Variants in BTBD8 observed in about 807,000 individuals in gnomAD.
BTBD8 encodes BTB domain containing 8.
A neutral mutation model predicts 162.9 loss-of-function variants in BTBD8; 110 were observed. The observed-to-expected ratio is 0.68, with a 90% CI of 0.58 to 0.79. The LOEUF (loss-of-function observed/expected upper bound fraction) is 0.79, where lower values mean the gene tolerates loss of function less well. Among genes scored for constraint, BTBD8 ranks in the 30% least tolerant of loss-of-function variants. BTBD8 has a pLI of 0.00. For missense variants in BTBD8, 1,905 were observed against 2,085.4 expected (o/e 0.91, Z 1.68); for synonymous variants, 667 against 716.1 (o/e 0.93, Z 1.10).
At chr1:92,150,137 C>T (rs925426988) in intron 9 of BTBD8, among the ~76,000 whole-genome samples, 3 of 152,190 alleles carry the variant, frequency 2.0e-5, no homozygotes, top group East Asian at 1.9e-4. Context: ...TCTAATTTGA[C>T]GTTAAGCAAA....
At chr1:92,114,887 A>C (rs1444575010) in intron 4 of BTBD8, 7 of 327,444 alleles carry the variant, frequency 2.1e-5, no homozygotes, top group Non-Finnish European at 4.1e-5. Flanking sequence ...AATGAGCTTG[A>C]CAAAGTGGTC....
chr1:92,161,699 A>C (rs573653033), intron 9 of BTBD8, among the ~76,000 whole-genome samples: 1 of 152,354 alleles, frequency 6.6e-6, no homozygotes, highest in South Asian at 2.1e-4. Flanking sequence ...GATGAAAATA[A>C]ATTTTCACTG....
intron 9 of BTBD8, among the ~76,000 whole-genome samples, chr1:92,159,536 A>T (rs1650238610): frequency 1.3e-5 from 2 of 151,962 alleles, no homozygotes; most frequent in Admixed American, 1.3e-4. Flanking sequence ...TTGCTTTTTA[A>T]TGTACTTTTG....
At chr1:92,137,365 C>T (rs779012758) in intron 5 of BTBD8, among the ~76,000 whole-genome samples, 15 of 151,930 alleles carry the variant, frequency 9.9e-5, no homozygotes, top group Admixed American at 8.5e-4. Flanking sequence ...TGAGAGGATA[C>T]GGTCATAGTA....
At chr1:92,147,034 T>A (rs942721112) in intron 7 of BTBD8, 146 bp from the exon 8 acceptor site, 1 of 492,478 alleles carries the variant, frequency 2.0e-6, no homozygotes, top group African/African-American at 2.0e-5. Context: ...GAGTTAAATA[T>A]AGAAAATAAA....
chr1:92,089,366 A>G (rs1570712795), intron 2 of BTBD8, among the ~76,000 whole-genome samples: 1 of 152,164 alleles, frequency 6.6e-6, no homozygotes, highest in East Asian at 1.9e-4. Context: ...CCCTCTTGAG[A>G]ACCGTTGCTA....
At chr1:92,183,744 T>C (rs931211298) in intron 17 of BTBD8, 120 bp from the exon 18 acceptor site, 2 of 564,286 alleles carry the variant, frequency 3.5e-6, no homozygotes, top group South Asian at 4.1e-5. Flanking sequence ...AAGTTATTTT[T>C]CCCATTCTGT....
intron 2 of BTBD8, among the ~76,000 whole-genome samples, chr1:92,097,525 C>G (rs1648483485): frequency 6.6e-6 from 1 of 152,156 alleles, no homozygotes; most frequent in Non-Finnish European, 1.5e-5. Flanking sequence ...GCCCCATAGC[C>G]ATTAGCAGCC....
At position 92,088,761 on chromosome 1, in the gene BTBD8, A is replaced by C. The variant is rs1648223030; in HGVS notation, c.213A>C (p.Ala71=). ...CTGTGGGTTGTACTTTGTTCAAAGC[A>C]CACAAAGCAGTCCTTTTAGCAAGAG... The part of the protein sequence containing the change: ...TFSVGCTLFK[A]HKAVLLARVP... The change falls in exon 2 of 18, where the codon GCA becomes GCC. Residue 71 remains alanine (A), a synonymous_variant. Coordinates refer to ENST00000636805, the MANE Select transcript of BTBD8 (RefSeq NM_001376131.1). 1 of 1,613,130 alleles carries C rather than the reference A, an allele frequency of 6.2e-7. No individual in the cohort carries two copies.
Position 92,181,317 on chromosome 1 carries a change from C to A in BTBD8, c.3634C>A (p.Pro1212Thr). Residue 1212 changes from proline to threonine, a missense_variant, in exon 17 of 18, where the codon CCT (proline) becomes ACT (threonine). Coordinates refer to ENST00000636805, the MANE Select transcript of BTBD8 (RefSeq NM_001376131.1). ...GGGACAGCTATCAGAAAAAAATTCT[C>A]CTAAAAATATGGAAACATCAGAATC... ...FSGQLSEKNS[P>T]KNMETSESPE... 6.4e-7 allele frequency: 1 copy of A among 1,551,388 alleles called. No individual in the cohort carries two copies. The highest frequency in any genetic ancestry group is 8.7e-7 in the Non-Finnish European group (1 of 1,146,916).
At chr1:92,088,192 T>G (rs1648209967) in intron 1 of BTBD8, among the ~76,000 whole-genome samples, 1 of 152,212 alleles carries the variant, frequency 6.6e-6, no homozygotes, top group South Asian at 2.1e-4. Context: ...TAATTAACAT[T>G]AGCCAGAACT....
intron 16 of BTBD8, among the ~76,000 whole-genome samples, chr1:92,178,967 T>C (rs1296541830): frequency 6.6e-6 from 1 of 152,174 alleles, no homozygotes; most frequent in African/African-American, 2.4e-5. Context: ...TAGTGCAGGC[T>C]AGGCGCGGTG....
At position 92,181,357 on chromosome 1, in the gene BTBD8, A is replaced by C. The variant is rs1193555674; in HGVS notation, c.3674A>C (p.Glu1225Ala). The change falls in exon 17 of 18, where the codon GAA (glutamate) becomes GCA (alanine). Residue 1225 changes from glutamate (E) to alanine (A), a missense_variant. Transcript: ENST00000636805. ...ACATCAGAATCTCCAGAGAGCCATG[A>C]AACTCCAGAAACTCCATTTGTGGGT... ...METSESPESH[E>A]TPETPFVGHW... is the part of the protein sequence containing the mutation. 1 of 1,551,552 alleles carries C rather than the reference A, an allele frequency of 6.4e-7. No individual in the cohort carries two copies. The highest frequency in any genetic ancestry group is 8.7e-7 in the Non-Finnish European group (1 of 1,146,972).
Position 92,147,264 on chromosome 1 carries a change from A to G in BTBD8, c.1015A>G (p.Met339Val). 1.2e-6 allele frequency: 2 copies of G among 1,605,710 alleles called. No homozygotes were observed. The highest frequency in any genetic ancestry group is 1.7e-6 in the Non-Finnish European group (2 of 1,173,244). ...VGVESLFADC[M>V]KWIVKHFARF... is the part of the protein sequence containing the mutation. ...AGTGGAAAGTCTTTTTGCTGACTGC[A>G]TGAAGTAAGTTATGTTAAGTAGTGC... Residue 339 changes from methionine (M) to valine (V), a missense_variant, in exon 8 of 18, where the codon ATG becomes GTG. By Grantham distance (21) the Met-to-Val change is conservative. Around this residue, in one of 3 missense-constraint regions of BTBD8, gnomAD observed 1,374 missense variants for 1,442.7 expected, o/e 0.95. Coordinates refer to ENST00000636805, the MANE Select transcript of BTBD8 (RefSeq NM_001376131.1).
In BTBD8 at chr1:92,147,684, G is replaced by A. The variant is rs576196285; in HGVS notation, c.1020G>A (p.Lys340=). The change falls in exon 9 of 18, where the codon AAG becomes AAA. Residue 340 remains lysine (K), a splice_region_variant and synonymous_variant. Transcript: ENST00000636805. ...GVESLFADCM[K]WIVKHFARFW... ...ACGTGGTATTCTTTTATTTTAACAG[G>A]TGGATTGTAAAGCATTTTGCAAGGT... 6.3e-7 allele frequency: 1 copy of A among 1,598,976 alleles called. No homozygotes were observed. The highest frequency in any genetic ancestry group is 2.2e-5 in the East Asian group (1 of 44,710).
In BTBD8 at chr1:92,080,567, G is replaced by T; in HGVS notation, c.-5G>T. Reference sequence around the variant, plus strand: ...GGCCTCCAGGGCGTCGTACCTCTGTGAGACATGGCTCGCTGTGGGGAAGGC... The same window carrying T: ...GGCCTCCAGGGCGTCGTACCTCTGTTAGACATGGCTCGCTGTGGGGAAGGC... On this transcript the variant is annotated 5_prime_UTR_variant, in exon 1 of 18. Transcript: ENST00000636805. The T allele has an allele frequency of 6.2e-7, 1 of 1,613,732 alleles. No homozygotes were observed. Among genetic ancestry groups the T allele is most frequent in the Non-Finnish European group, 8.5e-7 (1 of 1,179,818 alleles).
At chr1:92,096,654 G>A (rs555945663) in intron 2 of BTBD8, among the ~76,000 whole-genome samples, 1 of 151,428 alleles carries the variant, frequency 6.6e-6, no homozygotes, top group South Asian at 2.1e-4. Context: ...GGACTCAAGT[G>A]ATCCTCCTGA....
Position 92,167,894 on chromosome 1 carries a change from A to G in BTBD8, c.1352A>G (p.Lys451Arg), listed in dbSNP as rs1475272135. 1 of 1,550,922 alleles carries G rather than the reference A, an allele frequency of 6.4e-7. No homozygotes were observed. Among genetic ancestry groups the G allele is most frequent in the Non-Finnish European group, 8.7e-7 (1 of 1,146,512 alleles). ...STADLLDTIL[K>R]AIEENITTEN... ...GCCGATCTGTTGGACACAATTTTAA[A>G]AGCAATTGAAGAAAATATCACCACT... The change falls in exon 11 of 18, where the codon AAA becomes AGA. Residue 451 changes from lysine (K) to arginine (R), a missense_variant. Transcript: ENST00000636805.
chr1:92,088,630 T>C, intron 1 of BTBD8, 68 bp from the exon 2 acceptor site: 1 of 1,260,462 alleles, frequency 7.9e-7, no homozygotes, highest in Non-Finnish European at 1.1e-6. Context: ...TTAAACCTAC[T>C]TTATAAAAAT....
Sources: allele counts gnomAD v4.1 joint callset (sites outside exome capture counted in the v4.1 genomes callset), GRCh38; gene constraint gnomAD v4.1.1; regional missense constraint gnomAD v4.1.1; transcripts MANE v1.5; gene names NCBI Gene and HGNC (gene_info 2026-07-23, HGNC 2026-07-21).